The following IRF5 variants were observed in gnomAD, a reference collection of about 807,000 sequenced individuals.
The protein encoded by IRF5 is interferon regulatory factor 5.
Under a neutral mutation model 55.1 loss-of-function variants are expected in IRF5, and 24 were observed. That is an observed-to-expected ratio of 0.44 (90% CI 0.32 to 0.61). The LOEUF is 0.61. Among genes scored for constraint, IRF5 ranks in the 20% least tolerant of loss-of-function variants. The probability of loss-of-function intolerance (pLI) is 0.07; values close to 1 mark genes in which losing one functional copy is unlikely to be tolerated. For synonymous variants in IRF5, 258 were observed against 260.2 expected, an observed-to-expected ratio of 0.99 and a Z score of 0.08; for missense variants, 499 against 658.5, an observed-to-expected ratio of 0.76 and a Z score of 2.65.
rs1451022359 is a variant in IRF5, at chr7:128,947,758, CG to C, written c.822del (p.Arg275GlyfsTer34). 6.2e-7 allele frequency: 1 copy of C among 1,611,130 alleles called. No individual in the cohort carries two copies. Among genetic ancestry groups the C allele is most frequent in the Non-Finnish European group, 8.5e-7 (1 of 1,179,312 alleles). Reference sequence around the variant, plus strand: ...CGACCTGGAGATCAAGTTTCAGTACCGGGGGCGGCCACCCCGGGCCCTCACC... The same window carrying C: ...CGACCTGGAGATCAAGTTTCAGTACCGGGGCGGCCACCCCGGGCCCTCACC... Reference protein sequence around the residue: ...LTDLEIKFQYRGRPPRALTIS... With the variant: ...LTDLEIKFQYXGRPPRALTIS... On this transcript the variant is annotated frameshift_variant, in exon 7 of 9. Coordinates refer to ENST00000357234, the MANE Select transcript of IRF5 (RefSeq NM_001098629.3). LOFTEE classifies it high-confidence loss of function. This position sits in a 1 kb window ranked among gnomAD's most constrained non-coding sequence, Gnocchi z 6.5.
rs1377681476 is a variant in IRF5 at position 128,946,866 on chromosome 7, G to T, written c.448-157G>T. On this transcript the variant is annotated intron_variant, in intron 4 of 8. Coordinates refer to ENST00000357234, the MANE Select transcript of IRF5 (RefSeq NM_001098629.3). This position sits in a 1 kb window ranked among gnomAD's most constrained non-coding sequence, Gnocchi z 4.2. ...TTTCTGACCTGCCTGGGATGGACGA[G>T]CTGGGACCGGAGGCAGGGTCTTGCC... 1.2e-5 allele frequency: 11 copies of T among 882,794 alleles called. No homozygotes were observed. Among genetic ancestry groups the T allele is most frequent in the Non-Finnish European group, 2.0e-5 (11 of 547,210 alleles). The allele number at this position is 882,794 out of a possible 1,614,324, so 54.7% of individuals were successfully genotyped here. A position where few individuals can be genotyped will look rare whatever the true frequency, so the allele number is the denominator to read the frequency against.
Position 128,948,419 on chromosome 7 carries a change from C to T in IRF5, c.1299+91C>T. The stretch of plus-strand genomic sequence containing the variant: ...TGCCCCAGGCTGGAGGCTCAGGGCT[C>T]CCTGAGCAGTGTGAACTTGGCGGCC... On this transcript the variant is annotated intron_variant, in intron 8 of 8. Transcript: ENST00000357234. The surrounding 1 kb of genome is among the most constrained non-coding windows in gnomAD (Gnocchi z 4.6). 1 of 1,466,886 alleles carries T rather than the reference C, an allele frequency of 6.8e-7. No individual in the cohort carries two copies. The allele number at this position is 1,466,886 out of a possible 1,614,324, so 90.9% of individuals were successfully genotyped here.
chr7:128,948,467 C>A lies in IRF5; in HGVS notation c.1300-106C>A. On this transcript the variant is annotated intron_variant, in intron 8 of 8. Coordinates refer to ENST00000357234, the MANE Select transcript of IRF5 (RefSeq NM_001098629.3). This position sits in a 1 kb window ranked among gnomAD's most constrained non-coding sequence, Gnocchi z 4.6. Reference sequence around the variant, plus strand: ...GCCAGAGACCATCAAGGCTCAGAGCCGGAGAATGCGGTCTATTACTCACCC... The same window carrying A: ...GCCAGAGACCATCAAGGCTCAGAGCAGGAGAATGCGGTCTATTACTCACCC... The A allele has an allele frequency of 6.6e-7, 1 of 1,512,340 alleles. No homozygotes were observed. Among genetic ancestry groups the A allele is most frequent in the Non-Finnish European group, 9.0e-7 (1 of 1,111,266 alleles). The allele number at this position is 1,512,340 out of a possible 1,614,324, so 93.7% of individuals were successfully genotyped here.
chr7:128,947,569 G>A lies in IRF5; in HGVS notation c.787+34G>A, dbSNP rs1299425165. On this transcript the variant is annotated intron_variant, in intron 6 of 8. Coordinates refer to ENST00000357234, the MANE Select transcript of IRF5 (RefSeq NM_001098629.3). The surrounding 1 kb of genome is among the most constrained non-coding windows in gnomAD (Gnocchi z 6.5). ...CCATGGCTGGGCACGGGGAAGCAGT[G>A]CTGGGGGATTGGGGTAGGATTGGCA... 2.0e-6 allele frequency: 3 copies of A among 1,530,458 alleles called. No individual in the cohort carries two copies. The highest frequency in any genetic ancestry group is 1.7e-6 in the Non-Finnish European group (2 of 1,147,410). The allele number at this position is 1,530,458 out of a possible 1,614,324, so 94.8% of individuals were successfully genotyped here.
rs1244343589 is a variant in IRF5, at chr7:128,947,987, A to G, written c.1046A>G (p.Asp349Gly). 1 of 1,613,920 alleles carries G rather than the reference A, an allele frequency of 6.2e-7. No individual in the cohort carries two copies. Among genetic ancestry groups the G allele is most frequent in the Non-Finnish European group, 8.5e-7 (1 of 1,180,004 alleles). Residue 349 changes from aspartate (D) to glycine (G), a missense_variant, in exon 7 of 9, where the codon GAC (aspartate) becomes GGC (glycine). Asp to Gly is a moderately conservative substitution (Grantham distance 94). This residue lies in a region of IRF5 where 194 missense variants were observed against 318.3 expected (regional missense o/e 0.61). Transcript: ENST00000357234. This position sits in a 1 kb window ranked among gnomAD's most constrained non-coding sequence, Gnocchi z 6.5. ...RGLILQLQGQ[D>G]LYAIRLCQCK... ...CTCATCCTCCAGCTACAGGGCCAGG[A>G]CCTTTATGCCATCCGCCTGTGTCAG... is the stretch of plus-strand genomic sequence containing the variant.
Position 128,945,693 on chromosome 7 carries a change from T to A in IRF5, c.196-152T>A. 4.3e-6 allele frequency: 3 copies of A among 695,294 alleles called. No individual in the cohort carries two copies. In the South Asian group the frequency reaches 6.2e-5, roughly 14 times the overall value. 43.1% of individuals were successfully genotyped at this position (695,294 alleles called of 1,614,324 possible). On this transcript the variant is annotated intron_variant, in intron 2 of 8. Coordinates refer to ENST00000357234, the MANE Select transcript of IRF5 (RefSeq NM_001098629.3). ...GGGCTGGGGCAGGACTGTGGCAGAC[T>A]CCCACGCTGCAAACCAGGTCTGGGG...
Position 128,948,081 on chromosome 7 carries a change from G to A in IRF5, c.1140G>A (p.Glu380=), listed in dbSNP as rs1796422952. The A allele has an allele frequency of 6.2e-7, 1 of 1,614,156 alleles. No homozygotes were observed. The highest frequency in any genetic ancestry group is 1.3e-5 in the African/African-American group (1 of 75,046). The stretch of plus-strand genomic sequence containing the variant: ...CATGCCCCAACCCCATCCAGCGGGA[G>A]GTCAAGACCAAGCTTTTCAGCCTGG... ...HDSCPNPIQR[E]VKTKLFSLEH... Residue 380 remains glutamate, a synonymous_variant, in exon 7 of 9, where the codon GAG becomes GAA. Coordinates refer to ENST00000357234, the MANE Select transcript of IRF5 (RefSeq NM_001098629.3). The surrounding 1 kb of genome is among the most constrained non-coding windows in gnomAD (Gnocchi z 4.6).
chr7:128,937,337 G>C (rs570135755), upstream of IRF5, among the ~76,000 whole-genome samples: 47 of 152,346 alleles, frequency 3.1e-4, no homozygotes, highest in African/African-American at 1.1e-3. Context: ...ACAGGTCGAC[G>C]GTCAAGGTAG....
chr7:128,937,573 A>T (rs1174577108), upstream of IRF5: 1 of 152,286 alleles, frequency 6.6e-6, no homozygotes, highest in Non-Finnish European at 1.5e-5. Flanking sequence ...TAGGCAGGCG[A>T]GAGGAGGGCC....
chr7:128,948,370 T>C lies in IRF5; in HGVS notation c.1299+42T>C. On this transcript the variant is annotated intron_variant, in intron 8 of 8. Transcript: ENST00000357234. This position sits in a 1 kb window ranked among gnomAD's most constrained non-coding sequence, Gnocchi z 4.6. The stretch of plus-strand genomic sequence containing the variant: ...CCAAAGTCGGCCTTGGCTTGAAAAC[T>C]GGGGAATCCTGGGGCTAGGCCCTTG... 3.3e-6 allele frequency: 5 copies of C among 1,515,114 alleles called. No individual in the cohort carries two copies. In the South Asian group the frequency reaches 5.1e-5, roughly 15 times the overall value. 93.9% of individuals were successfully genotyped at this position (1,515,114 alleles called of 1,614,324 possible).
In IRF5 at chr7:128,947,479, C is replaced by T; in HGVS notation, c.731C>T (p.Pro244Leu). 1 of 1,606,328 alleles carries T rather than the reference C, an allele frequency of 6.2e-7. No homozygotes were observed. Among genetic ancestry groups the T allele is most frequent in the Non-Finnish European group, 8.5e-7 (1 of 1,177,378 alleles). Reference protein sequence around the residue: ...LEPGPLPASLPPAGEQLLPDL... With the variant: ...LEPGPLPASLLPAGEQLLPDL... Reference sequence around the variant, plus strand: ...CCTGGGCCCCTGCCTGCCAGCCTGCCCCCTGCAGGCGAACAGCTCCTGCCA... The same window carrying T: ...CCTGGGCCCCTGCCTGCCAGCCTGCTCCCTGCAGGCGAACAGCTCCTGCCA... The change falls in exon 6 of 9, where the codon CCC becomes CTC. Residue 244 changes from proline (P) to leucine (L), a missense_variant. By Grantham distance (98) the Pro-to-Leu change is moderately conservative. Transcript: ENST00000357234. This position sits in a 1 kb window ranked among gnomAD's most constrained non-coding sequence, Gnocchi z 6.5.
chr7:128,946,518 G>T lies in IRF5; in HGVS notation c.403G>T (p.Asp135Tyr), dbSNP rs1429320460. 7 of 1,608,068 alleles carry T rather than the reference G, an allele frequency of 4.4e-6. No homozygotes were observed. Among genetic ancestry groups the T allele is most frequent in the Admixed American group, 1.7e-5 (1 of 59,002 alleles). The stretch of plus-strand genomic sequence containing the variant: ...CTGTGCAGACTCCCAGCCCCCTGAG[G>T]ATTACTCTTTTGGTGCAGGAGAGGA... ...PAPTDSQPPE[D>Y]YSFGAGEEEE... The change falls in exon 4 of 9, where the codon GAT becomes TAT. Residue 135 changes from aspartate to tyrosine, a missense_variant. This residue lies in a region of IRF5 where 305 missense variants were observed against 340.2 expected (regional missense o/e 0.90). Transcript: ENST00000357234. This position sits in a 1 kb window ranked among gnomAD's most constrained non-coding sequence, Gnocchi z 4.2.
At chr7:128,942,706 C>T (rs2128959955) in intron 2 of IRF5, among the ~76,000 whole-genome samples, 1 of 152,292 alleles carries the variant, frequency 6.6e-6, no homozygotes, top group African/African-American at 2.4e-5. Flanking sequence ...CCTACTCACC[C>T]TTTGCTCGTC....
In IRF5 at chr7:128,946,098, G is replaced by A; in HGVS notation, c.385+64G>A. ...GTGCAATGTCCTGGCCCCCAGCCAT[G>A]AGCTCTTGGGTGCAGGCAGGCCAAG... On this transcript the variant is annotated intron_variant, in intron 3 of 8. Transcript: ENST00000357234. This position sits in a 1 kb window ranked among gnomAD's most constrained non-coding sequence, Gnocchi z 4.2. 6.9e-7 allele frequency: 1 copy of A among 1,453,176 alleles called. No individual in the cohort carries two copies. Among genetic ancestry groups the A allele is most frequent in the East Asian group, 2.4e-5 (1 of 42,150 alleles). 90.0% of individuals were successfully genotyped at this position (1,453,176 alleles called of 1,614,324 possible).
intron 1 of IRF5, among the ~76,000 whole-genome samples, chr7:128,941,640 C>T (rs549292535): frequency 1.2e-4 from 18 of 152,238 alleles, no homozygotes; most frequent in African/African-American, 2.6e-4. Flanking sequence ...TCCCACAGAG[C>T]GCTCGCTGTC....
chr7:128,944,245 T>A (rs1256501696), intron 2 of IRF5, among the ~76,000 whole-genome samples: 3 of 152,168 alleles, frequency 2.0e-5, no homozygotes, highest in African/African-American at 7.2e-5. Flanking sequence ...GGTCACTGAG[T>A]CTTGGTTTTT....
rs1796406093 is a variant in IRF5, at chr7:128,947,819, G to T, written c.878G>T (p.Ser293Ile). The T allele has an allele frequency of 6.2e-7, 1 of 1,613,702 alleles. No individual in the cohort carries two copies. ...CCCCATGGCTGCCGGCTCTTCTACAGCCAGCTGGAGGCCACCCAGGAGCAG... is the reference window on the plus strand; with the variant it reads ...CCCCATGGCTGCCGGCTCTTCTACATCCAGCTGGAGGCCACCCAGGAGCAG... ...SNPHGCRLFY[S>I]QLEATQEQVE... is the part of the protein sequence containing the mutation. The change falls in exon 7 of 9, where the codon AGC becomes ATC. Residue 293 changes from serine (S) to isoleucine (I), a missense_variant. Ser to Ile is a moderately radical substitution (Grantham distance 142). Around this residue, in one of 2 missense-constraint regions of IRF5, gnomAD observed 194 missense variants for 318.3 expected, o/e 0.61. Transcript: ENST00000357234. The surrounding 1 kb of genome is among the most constrained non-coding windows in gnomAD (Gnocchi z 6.5).
intron 2 of IRF5, among the ~76,000 whole-genome samples, chr7:128,943,871 A>AT (rs1271220377): frequency 6.6e-6 from 1 of 151,406 alleles, no homozygotes; most frequent in Non-Finnish European, 1.5e-5. Context: ...GCCCAGCCTA[A>AT]TTTTTTGATT....
chr7:128,947,086 T>C lies in IRF5; in HGVS notation c.481+30T>C. On this transcript the variant is annotated intron_variant, in intron 5 of 8. Transcript: ENST00000357234. The surrounding 1 kb of genome is among the most constrained non-coding windows in gnomAD (Gnocchi z 6.5). ...GGCCGGGAGGTGGTGGTTGGGGGTC[T>C]AGTATACAGAGAAGCTATAGGTACC... 6.2e-7 allele frequency: 1 copy of C among 1,613,958 alleles called. No individual in the cohort carries two copies. The highest frequency in any genetic ancestry group is 8.5e-7 in the Non-Finnish European group (1 of 1,179,968).
Sources: gnomAD v4.1 joint callset for allele counts (sites outside exome capture counted in the v4.1 genomes callset) on GRCh38, gnomAD v4.1.1 for gene constraint, gnomAD v4.1.1 regional missense constraint, Gnocchi (gnomAD v3.1) non-coding constraint, MANE v1.5 for transcripts, NCBI Gene and HGNC (gene_info 2026-07-23, HGNC 2026-07-21) for gene names.